Variants in SHC4 observed in about 807,000 individuals in gnomAD.
SHC4 encodes the protein SHC adaptor protein 4.
SHC4 carries 41 observed loss-of-function variants against 69.4 expected under a neutral mutation model. The observed-to-expected ratio is 0.59, with a 90% CI of 0.46 to 0.77. The LOEUF is 0.77. SHC4 is among the 30% of genes least tolerant of loss of function. The pLI, the probability that SHC4 is intolerant of heterozygous loss-of-function variation, is 0.00. For synonymous variants in SHC4, 318 were observed against 299.3 expected (o/e 1.06, Z -0.64); for missense variants, 777 against 783.8 (o/e 0.99, Z 0.10).
intron 11 of SHC4, among the ~76,000 whole-genome samples, chr15:48,834,404 T>C (rs1226768233): frequency 6.6e-6 from 1 of 152,246 alleles, no homozygotes; most frequent in Admixed American, 6.5e-5. Flanking sequence ...CAGCTTTATA[T>C]TATAATTATT....
chr15:48,957,726 C>T (rs1595770523), intron 1 of SHC4, among the ~76,000 whole-genome samples: 1 of 152,310 alleles, frequency 6.6e-6, no homozygotes, highest in African/African-American at 2.4e-5. Flanking sequence ...AGTCTTAACC[C>T]TCAGAACCTG....
chr15:48,924,811 C>T, intron 2 of SHC4, 68 bp downstream of exon 2: 1 of 1,527,652 alleles, frequency 6.5e-7, no homozygotes, highest in African/African-American at 1.4e-5. Context: ...GCATAAAATT[C>T]CTGTGGGAGA....
chr15:48,871,515 G>A (rs1444721303), intron 5 of SHC4, among the ~76,000 whole-genome samples: 1 of 152,204 alleles, frequency 6.6e-6, no homozygotes, highest in Non-Finnish European at 1.5e-5. Flanking sequence ...ATTCTGCAGA[G>A]TAGGCTTGGA....
At chr15:48,920,133 G>C (rs961063081) in intron 2 of SHC4, among the ~76,000 whole-genome samples, 2 of 151,378 alleles carry the variant, frequency 1.3e-5, no homozygotes, top group African/African-American at 4.9e-5. Flanking sequence ...TCTTGCCTCA[G>C]CCTCCTGAGT....
At chr15:48,835,671 C>T (rs547431459) in intron 10 of SHC4, among the ~76,000 whole-genome samples, 1 of 152,230 alleles carries the variant, frequency 6.6e-6, no homozygotes, top group East Asian at 1.9e-4. Flanking sequence ...CAAGGCAGCT[C>T]CCCAAGGCGC....
At chr15:48,887,050 G>A (rs577219443) in intron 3 of SHC4, among the ~76,000 whole-genome samples, 3 of 152,238 alleles carry the variant, frequency 2.0e-5, no homozygotes, top group South Asian at 4.2e-4. Context: ...ACTCTATGTC[G>A]CATAGTCTCT....
intron 1 of SHC4, among the ~76,000 whole-genome samples, chr15:48,955,803 G>A (rs1482104273): frequency 6.6e-6 from 1 of 152,220 alleles, no homozygotes; most frequent in Non-Finnish European, 1.5e-5. Flanking sequence ...TTCAGGAAGT[G>A]GGGGAAGATG....
intron 5 of SHC4, among the ~76,000 whole-genome samples, chr15:48,870,925 T>C (rs114085161): frequency 1.2e-3 from 181 of 152,330 alleles, no homozygotes; most frequent in African/African-American, 4.3e-3. Context: ...TATACAATTA[T>C]TTCTCCCCCA....
Position 48,963,226 on chromosome 15 carries a change from C to T in SHC4, c.-211G>A. 1.9e-6 allele frequency: 1 copy of T among 522,820 alleles called. No individual in the cohort carries two copies. The highest frequency in any genetic ancestry group is 3.3e-6 in the Non-Finnish European group (1 of 300,714). The allele number at this position is 522,820 out of a possible 1,614,324, so 32.4% of individuals were successfully genotyped here. A position where few individuals can be genotyped will look rare whatever the true frequency, so the allele number is the denominator to read the frequency against. Reference sequence around the variant, plus strand: ...GCCTCCCCTGCTCTGATTTCAGTCTCTCCCTGGCCCAGGCAGAGGCACCAG... The same window carrying T: ...GCCTCCCCTGCTCTGATTTCAGTCTTTCCCTGGCCCAGGCAGAGGCACCAG... On this transcript the variant is annotated 5_prime_UTR_variant, in exon 1 of 12. Transcript: ENST00000332408.
At chr15:48,837,427 A>G (rs1475252540) in intron 10 of SHC4, among the ~76,000 whole-genome samples, 1 of 152,202 alleles carries the variant, frequency 6.6e-6, no homozygotes, top group African/African-American at 2.4e-5. Flanking sequence ...AAATAAAATT[A>G]ATCACCTATG....
intron 2 of SHC4, among the ~76,000 whole-genome samples, chr15:48,920,684 A>C (rs1900736373): frequency 6.6e-6 from 1 of 152,194 alleles, no homozygotes; most frequent in African/African-American, 2.4e-5. Context: ...AAGCCTTTAA[A>C]ACATTTATAT....
At chr15:48,936,793 A>T (rs1901079524) in intron 1 of SHC4, among the ~76,000 whole-genome samples, 1 of 152,226 alleles carries the variant, frequency 6.6e-6, no homozygotes, top group African/African-American at 2.4e-5. Flanking sequence ...AGTACTGGTC[A>T]TCTGTGGGCA....
intron 2 of SHC4, among the ~76,000 whole-genome samples, chr15:48,897,755 T>TCACACACACACACACACACACACA (rs1376574395): frequency 3.9e-5 from 1 of 25,786 alleles, no homozygotes; most frequent in African/African-American, 1.3e-4. Flanking sequence ...CCCCACCTTC[T>TCACACACACACACACACACACACA]GACACACACA....
chr15:48,939,921 A>G (rs1446028121), intron 1 of SHC4, among the ~76,000 whole-genome samples: 1 of 152,248 alleles, frequency 6.6e-6, no homozygotes, highest in East Asian at 1.9e-4. Context: ...GCTAATCTAA[A>G]GACTAGGCCT....
intron 6 of SHC4, among the ~76,000 whole-genome samples, chr15:48,860,073 A>AGAGAGCTTACATAATATC (rs1436456613): frequency 6.6e-6 from 1 of 152,200 alleles, no homozygotes; most frequent in East Asian, 1.9e-4. Context: ...AGAAAGAGAG[A>AGAGAGCTTACATAATATC]GAGAGCTTAC....
At chr15:48,920,107 C>T (rs1482125979) in intron 2 of SHC4, among the ~76,000 whole-genome samples, 3 of 151,734 alleles carry the variant, frequency 2.0e-5, no homozygotes, top group African/African-American at 7.3e-5. Flanking sequence ...CTCCGCCTCC[C>T]GGGTTCACGC....
At chr15:48,953,200 A>G (rs1901393191) in intron 1 of SHC4, among the ~76,000 whole-genome samples, 1 of 152,212 alleles carries the variant, frequency 6.6e-6, no homozygotes, top group Non-Finnish European at 1.5e-5. Context: ...CTCACTTAAA[A>G]GTGGGAACTA....
chr15:48,827,329 T>C (rs1898708204), intron 11 of SHC4, among the ~76,000 whole-genome samples: 2 of 152,240 alleles, frequency 1.3e-5, no homozygotes, highest in South Asian at 2.1e-4. Flanking sequence ...TTTTGATCTC[T>C]GTACTATGGC....
At chr15:48,839,104 G>T (rs191363981) in intron 10 of SHC4, among the ~76,000 whole-genome samples, 2 of 152,176 alleles carry the variant, frequency 1.3e-5, no homozygotes, top group Non-Finnish European at 2.9e-5. Flanking sequence ...AAACCTAAAA[G>T]AGGACTGATC....
Sources: gnomAD v4.1 joint callset for allele counts (sites outside exome capture counted in the v4.1 genomes callset) on GRCh38, gnomAD v4.1.1 for gene constraint, MANE v1.5 for transcripts, NCBI Gene and HGNC (gene_info 2026-07-23, HGNC 2026-07-21) for gene names.